Variants in FHIT observed in about 807,000 individuals in gnomAD.
FHIT encodes the protein fragile histidine triad diadenosine triphosphatase.
FHIT carries 19 observed loss-of-function variants against 17.9 expected under a neutral mutation model. The observed-to-expected ratio is 1.06, with a 90% CI of 0.74 to 1.56. FHIT has a LOEUF of 1.56. Among genes scored for constraint, FHIT ranks in the 40% most tolerant of loss-of-function variants. The pLI, the probability that FHIT is intolerant of heterozygous loss-of-function variation, is 0.00. For synonymous variants in FHIT, 81 were observed against 69.7 expected (o/e 1.16, Z -0.81); for missense variants, 248 against 189.2 (o/e 1.31, Z -1.82).
At chr3:61,185,622 G>A (rs763104718) in intron 2 of FHIT, among the ~76,000 whole-genome samples, 3 of 152,146 alleles carry the variant, frequency 2.0e-5, no homozygotes, top group Non-Finnish European at 2.9e-5. Context: ...CCACATGAGA[G>A]AACACACTGC....
intron 4 of FHIT, among the ~76,000 whole-genome samples, chr3:60,807,762 C>T (rs182680722): frequency 5.9e-5 from 9 of 151,642 alleles, no homozygotes; most frequent in East Asian, 5.8e-4. Flanking sequence ...TTTCTGCTTT[C>T]GTGGAGCTTA....
chr3:60,731,416 T>G (rs1272303412), intron 4 of FHIT, among the ~76,000 whole-genome samples: 1 of 152,132 alleles, frequency 6.6e-6, no homozygotes, highest in Non-Finnish European at 1.5e-5. Context: ...GCCAAGTGAG[T>G]GACTTGAGAG....
intron 1 of FHIT, among the ~76,000 whole-genome samples, chr3:61,210,265 G>T (rs1446387555): frequency 3.9e-5 from 6 of 152,168 alleles, no homozygotes; most frequent in African/African-American, 1.2e-4. Context: ...GGACCCACTT[G>T]AGGAGGCAGT....
At chr3:60,569,755 A>ATATATATATATATTTTTTT in intron 4 of FHIT, among the ~76,000 whole-genome samples, 1 of 77,344 alleles carries the variant, frequency 1.3e-5, no homozygotes, top group Non-Finnish European at 2.3e-5. Flanking sequence ...ATATATATAT[A>ATATATATATATATTTTTTT]TTTTTTTTTT....
intron 5 of FHIT, among the ~76,000 whole-genome samples, chr3:60,136,523 A>T (rs1699823134): frequency 6.6e-6 from 1 of 152,034 alleles, no homozygotes; most frequent in African/African-American, 2.4e-5. Flanking sequence ...TTCTGTCTCA[A>T]ACCTGCCCAC....
At chr3:60,441,081 C>T (rs1210699765) in intron 5 of FHIT, among the ~76,000 whole-genome samples, 1 of 152,008 alleles carries the variant, frequency 6.6e-6, no homozygotes, top group African/African-American at 2.4e-5. Flanking sequence ...TGCTGTACCT[C>T]TTGCAAAGTC....
At chr3:60,771,477 T>C (rs1553723042) in intron 4 of FHIT, among the ~76,000 whole-genome samples, 1 of 152,184 alleles carries the variant, frequency 6.6e-6, no homozygotes, top group Non-Finnish European at 1.5e-5. Flanking sequence ...CCATTTCCCA[T>C]GTTGATCAGT....
intron 8 of FHIT, among the ~76,000 whole-genome samples, chr3:59,759,377 G>A (rs1307167020): frequency 1.3e-5 from 2 of 152,192 alleles, no homozygotes; most frequent in Non-Finnish European, 2.9e-5. Flanking sequence ...ACAATCAGAA[G>A]AGAAAGTTTG....
intron 2 of FHIT, among the ~76,000 whole-genome samples, chr3:61,139,602 G>T (rs1190125551): frequency 2.6e-5 from 4 of 151,728 alleles, no homozygotes; most frequent in Admixed American, 1.3e-4. Context: ...CTTTGTAGAA[G>T]TAGGCTGGAA....
At chr3:59,980,180 C>G (rs986812753) in intron 7 of FHIT, among the ~76,000 whole-genome samples, 1 of 152,276 alleles carries the variant, frequency 6.6e-6, no homozygotes, top group East Asian at 1.9e-4. Context: ...ACTAAATTAA[C>G]TCACCTTTCC....
chr3:61,206,724 A>G (rs1441628959), intron 1 of FHIT, among the ~76,000 whole-genome samples: 4 of 151,854 alleles, frequency 2.6e-5, no homozygotes, highest in African/African-American at 7.2e-5. Flanking sequence ...TTGGGCTGAG[A>G]CGATGGGGTT....
At chr3:60,690,513 G>A in intron 4 of FHIT, 2 of 562,184 alleles carry the variant, frequency 3.6e-6, no homozygotes, top group South Asian at 2.8e-5. Context: ...TGCCATTATG[G>A]CATGTGAAGT....
intron 4 of FHIT, among the ~76,000 whole-genome samples, chr3:60,586,836 C>G (rs74503191): frequency 5.3e-5 from 8 of 151,790 alleles, no homozygotes; most frequent in African/African-American, 1.9e-4. Context: ...ACAATGGGAC[C>G]TGCTTGAGGG....
At chr3:60,866,797 T>C (rs1310213917) in intron 3 of FHIT, among the ~76,000 whole-genome samples, 1 of 152,202 alleles carries the variant, frequency 6.6e-6, no homozygotes, top group Non-Finnish European at 1.5e-5. Context: ...ATAATTATCT[T>C]ACCATCCAGG....
chr3:60,730,332 G>T, intron 4 of FHIT: 1 of 262,928 alleles, frequency 3.8e-6, no homozygotes, highest in South Asian at 5.5e-5. Context: ...TATCAATGGT[G>T]AATATCACTA....
chr3:60,501,793 C>T (rs146484031), intron 5 of FHIT, among the ~76,000 whole-genome samples: 83 of 152,280 alleles, frequency 5.5e-4, no homozygotes, highest in Middle Eastern at 6.8e-3. Flanking sequence ...GGAAATGTAA[C>T]GAAGTGATAC....
intron 8 of FHIT, among the ~76,000 whole-genome samples, chr3:59,914,999 A>T (rs1055719588): frequency 5.3e-5 from 8 of 152,138 alleles, no homozygotes; most frequent in African/African-American, 1.9e-4. Context: ...TAAACCTAAG[A>T]TTTTTTTAAA....
At chr3:59,870,017 C>T (rs9311730) in intron 8 of FHIT, among the ~76,000 whole-genome samples, 5,551 of 152,202 alleles carry the variant, frequency 0.036, 191 homozygotes, top group African/African-American at 0.086. Flanking sequence ...CATTAATCCT[C>T]ATACCAGCAA....
intron 5 of FHIT, among the ~76,000 whole-genome samples, chr3:60,314,603 G>C (rs1709086182): frequency 6.6e-6 from 1 of 152,170 alleles, no homozygotes; most frequent in African/African-American, 2.4e-5. Context: ...CTACCCATAA[G>C]GAAGAAAGTT....
Sources: allele counts gnomAD v4.1 joint callset (sites outside exome capture counted in the v4.1 genomes callset), GRCh38; gene constraint gnomAD v4.1.1; transcripts MANE v1.5; gene names NCBI Gene and HGNC (gene_info 2026-07-23, HGNC 2026-07-21).